NCMAP: variants seen among roughly 807,000 people sequenced by gnomAD.
NCMAP encodes noncompact myelin-associated protein.
A neutral mutation model predicts 7.8 loss-of-function variants in NCMAP; 8 were observed. That is an observed-to-expected ratio of 1.02 (90% CI 0.60 to 1.84). The LOEUF (loss-of-function observed/expected upper bound fraction) is 1.84, where lower values mean the gene tolerates loss of function less well. Among genes scored for constraint, NCMAP ranks in the 40% most tolerant of loss-of-function variants. The pLI is 0.00. For synonymous variants in NCMAP, 41 were observed against 52.9 expected (o/e 0.78, Z 0.98); for missense variants, 112 against 131.4 (o/e 0.85, Z 0.72).
intron 2 of NCMAP, among the ~76,000 whole-genome samples, chr1:24,597,558 G>T (rs1281824267): frequency 9.5e-6 from 1 of 104,720 alleles, no homozygotes; most frequent in African/African-American, 3.9e-5. Flanking sequence ...GAGGAGAAGG[G>T]GGGGAGGTTC....
At chr1:24,604,138 G>C (rs1470486020) in intron 3 of NCMAP, among the ~76,000 whole-genome samples, 2 of 152,174 alleles carry the variant, frequency 1.3e-5, no homozygotes, top group African/African-American at 2.4e-5. Context: ...CCTCCCATTA[G>C]GCCCCAGCTT....
intron 1 of NCMAP, among the ~76,000 whole-genome samples, chr1:24,584,858 C>T (rs555417651): frequency 3.8e-4 from 58 of 151,598 alleles, no homozygotes; most frequent in Non-Finnish European, 6.2e-4. Flanking sequence ...AACAGACCCA[C>T]GGCCCTCTTT....
chr1:24,582,128 T>G (rs6660403), intron 1 of NCMAP, among the ~76,000 whole-genome samples: 34,517 of 151,898 alleles, frequency 0.23, 4,533 homozygotes, highest in East Asian at 0.55. Flanking sequence ...GCCCTTCTCA[T>G]GCGCAACCTC....
At chr1:24,584,432 T>G (rs1406825094) in intron 1 of NCMAP, among the ~76,000 whole-genome samples, 2 of 152,232 alleles carry the variant, frequency 1.3e-5, no homozygotes, top group Admixed American at 6.5e-5. Flanking sequence ...TTATCATATC[T>G]GCAGGTCTTG....
At chr1:24,595,616 G>A in intron 2 of NCMAP, 104 bp downstream of exon 2, 1 of 847,620 alleles carries the variant, frequency 1.2e-6, no homozygotes. Flanking sequence ...GACTGCCTGG[G>A]TCTCAGGCCC....
chr1:24,576,536 G>T lies in NCMAP; in HGVS notation c.-7-18888G>T, dbSNP rs934650928. ...TGGAGGCAAACAAGCCTCGGGGAGG[G>T]TGTCCTGAACCAAGTGAGAGGCTGG... On this transcript the variant is annotated intron_variant, in intron 1 of 3. Transcript: ENST00000374392. The surrounding 1 kb of genome is among the most constrained non-coding windows in gnomAD (Gnocchi z 4.0). 1.3e-5 allele frequency among the ~76,000 whole-genome samples: 2 copies of T among 152,130 alleles called. No homozygotes were observed. Among genetic ancestry groups the T allele is most frequent in the African/African-American group, 2.4e-5 (1 of 41,448 alleles).
chr1:24,584,717 A>G (rs1651830186), intron 1 of NCMAP, among the ~76,000 whole-genome samples: 1 of 151,916 alleles, frequency 6.6e-6, no homozygotes, highest in Non-Finnish European at 1.5e-5. Flanking sequence ...ATGTGATTGA[A>G]GAAAAGATTC....
chr1:24,574,083 C>T (rs528079078), intron 1 of NCMAP, among the ~76,000 whole-genome samples: 1 of 149,940 alleles, frequency 6.7e-6, no homozygotes, highest in Non-Finnish European at 1.5e-5. Context: ...AGGACCCACA[C>T]AGCGGCCCCC....
chr1:24,586,656 C>T (rs192947022), intron 1 of NCMAP, among the ~76,000 whole-genome samples: 29 of 151,080 alleles, frequency 1.9e-4, no homozygotes, highest in Middle Eastern at 6.9e-3. Context: ...AGCTATTCTG[C>T]GAGGCTGAGG....
Position 24,570,362 on chromosome 1 carries a change from G to C in NCMAP, c.-8+14193G>C, listed in dbSNP as rs1651353422. On this transcript the variant is annotated intron_variant, in intron 1 of 3. Coordinates refer to ENST00000374392, the MANE Select transcript of NCMAP (RefSeq NM_001010980.5). Reference sequence around the variant, plus strand: ...TTTTATAGATTAGTCGAGTGCAGTGGCTTGCACCTATAGTTCCAGCTGCTT... The same window carrying C: ...TTTTATAGATTAGTCGAGTGCAGTGCCTTGCACCTATAGTTCCAGCTGCTT... 2.0e-5 allele frequency among the ~76,000 whole-genome samples: 3 copies of C among 150,752 alleles called. 1 individual carries two copies. In the South Asian group the frequency reaches 6.2e-4, roughly 31 times the overall value.
intron 3 of NCMAP, among the ~76,000 whole-genome samples, chr1:24,602,569 CAA>C (rs10630961): frequency 2.2e-4 from 9 of 40,064 alleles, no homozygotes; most frequent in African/African-American, 1.0e-3. Context: ...GACTCCATCT[CAA>C]AAAAAAAAAA....
chr1:24,605,873 G>T lies in NCMAP; in HGVS notation c.*126G>T, dbSNP rs1173546148. Reference sequence around the variant, plus strand: ...TCAGGTCGACAGAGACATCTTTGACGCAATCTCTGATGCTTCCAGCAATCC... The same window carrying T: ...TCAGGTCGACAGAGACATCTTTGACTCAATCTCTGATGCTTCCAGCAATCC... On this transcript the variant is annotated 3_prime_UTR_variant, in exon 4 of 4. Transcript: ENST00000374392. The T allele has an allele frequency of 7.0e-6, 8 of 1,135,108 alleles. No homozygotes were observed. The highest frequency in any genetic ancestry group is 8.7e-6 in the Non-Finnish European group (7 of 801,636). 70.3% of individuals were successfully genotyped at this position (1,135,108 alleles called of 1,614,324 possible).
chr1:24,564,533 C>CAAAAAAAAAAAAAAAAAAAAAAA (rs1237685346), intron 1 of NCMAP, among the ~76,000 whole-genome samples: 1 of 82,272 alleles, frequency 1.2e-5, no homozygotes, highest in Non-Finnish European at 2.3e-5. Flanking sequence ...AAAAAAAAAA[C>CAAAAAAAAAAAAAAAAAAAAAAA]AAAAAAAAAC....
At chr1:24,593,330 A>T (rs1458071076) in intron 1 of NCMAP, among the ~76,000 whole-genome samples, 1 of 152,060 alleles carries the variant, frequency 6.6e-6, no homozygotes, top group Non-Finnish European at 1.5e-5. Flanking sequence ...ATAAAAAAAA[A>T]AGAGTTTTTT....
intron 2 of NCMAP, among the ~76,000 whole-genome samples, 196 bp downstream of exon 2, chr1:24,595,708 C>T (rs1319737372): frequency 1.3e-5 from 2 of 151,504 alleles, no homozygotes; most frequent in Non-Finnish European, 2.9e-5. Context: ...TTGCAGGGCA[C>T]TGCTGTGGAA....
At chr1:24,590,965 G>T (rs9328948) in intron 1 of NCMAP, among the ~76,000 whole-genome samples, 12,401 of 152,272 alleles carry the variant, frequency 0.081, 549 homozygotes, top group East Asian at 0.15. Context: ...GGGAGAGGCA[G>T]TTCGTTTTAC....
At chr1:24,562,637 C>T (rs924519566) in intron 1 of NCMAP, among the ~76,000 whole-genome samples, 3 of 152,252 alleles carry the variant, frequency 2.0e-5, no homozygotes, top group African/African-American at 7.2e-5. Context: ...AGGTCCCCTG[C>T]TCTTTGTCTT....
At chr1:24,561,178 C>CAAAAAAAA (rs755072214) in intron 1 of NCMAP, among the ~76,000 whole-genome samples, 7 of 103,880 alleles carry the variant, frequency 6.7e-5, no homozygotes, top group East Asian at 5.7e-4. Flanking sequence ...ACTAAAAATA[C>CAAAAAAAA]AAAAAAAAAA....
rs1241889422 is a variant in NCMAP at position 24,607,481 on chromosome 1, CA to C, written c.*1736del. 7.1e-6 allele frequency: 1 copy of C among 140,642 alleles called. No individual in the cohort carries two copies. The highest frequency in any genetic ancestry group is 2.4e-4 in the East Asian group (1 of 4,232). The allele number at this position is 140,642 out of a possible 1,614,324, so 8.7% of individuals were successfully genotyped here. ...CTTATAATTGATGGCATCTTGGAAA[CA>C]AGGTAATAAATCTCTATTCTGTTAA... On this transcript the variant is annotated 3_prime_UTR_variant, in exon 4 of 4. Coordinates refer to ENST00000374392, the MANE Select transcript of NCMAP (RefSeq NM_001010980.5).
Sources: allele counts gnomAD v4.1 joint callset (sites outside exome capture counted in the v4.1 genomes callset), GRCh38; gene constraint gnomAD v4.1.1; non-coding constraint Gnocchi (gnomAD v3.1); transcripts MANE v1.5; gene names NCBI Gene and HGNC (gene_info 2026-07-23, HGNC 2026-07-21).